LRRK2: variants seen among roughly 807,000 people sequenced by gnomAD.
The protein encoded by LRRK2 is leucine rich repeat kinase 2.
In LRRK2, 203 loss-of-function variants were observed where a neutral mutation model predicts 302.6. The ratio of observed to expected loss-of-function variants is 0.67; its 90% CI spans 0.60 to 0.75. The LOEUF is 0.75. Among genes scored for constraint, LRRK2 ranks in the 30% least tolerant of loss-of-function variants. The pLI is 0.00. For synonymous variants in LRRK2, 1,066 were observed against 1,031.9 expected (o/e 1.03, Z -0.63); for missense variants, 2,830 against 2,951.0 (o/e 0.96, Z 0.95).
chr12:40,296,003 T>G (rs1233775327), intron 23 of LRRK2, among the ~76,000 whole-genome samples: 1 of 152,228 alleles, frequency 6.6e-6, no homozygotes, highest in African/African-American at 2.4e-5. Context: ...TTGGTAGTAC[T>G]GGCTCTGACT....
In LRRK2 at chr12:40,322,098, A is replaced by C. The variant is rs769776309; in HGVS notation, c.5234A>C (p.Glu1745Ala). The change falls in exon 36 of 51, where the codon GAA (glutamate) becomes GCA (alanine). Residue 1745 changes from glutamate to alanine, a missense_variant. Around this residue, in one of 3 missense-constraint regions of LRRK2, gnomAD observed 2,121 missense variants for 2,148.0 expected, o/e 0.99. Coordinates refer to ENST00000298910, the MANE Select transcript of LRRK2 (RefSeq NM_198578.4). Reference protein sequence around the residue: ...RQGIYLNWSPEAYCLVGSEVL... With the variant: ...RQGIYLNWSPAAYCLVGSEVL... ...GGCATTTACTTAAATTGGTCTCCTG[A>C]AGCTTATTGTCTGGTAGGATCTGAA... The C allele has an allele frequency of 6.2e-7, 1 of 1,613,502 alleles. No individual in the cohort carries two copies. Among genetic ancestry groups the C allele is most frequent in the Non-Finnish European group, 8.5e-7 (1 of 1,179,542 alleles).
chr12:40,252,807 A>T (rs1942333028), intron 10 of LRRK2, 103 bp from the exon 11 acceptor site: 1 of 766,334 alleles, frequency 1.3e-6, no homozygotes, highest in Non-Finnish European at 2.3e-6. Flanking sequence ...AATATTGTTT[A>T]TATGCTCTTA....
intron 20 of LRRK2, among the ~76,000 whole-genome samples, chr12:40,289,144 CAA>C (rs747476131): frequency 2.6e-5 from 4 of 151,628 alleles, no homozygotes; most frequent in Non-Finnish European, 5.9e-5. Flanking sequence ...CCAGTTGTTC[CAA>C]CATTACTTGT....
At chr12:40,365,071 T>C (rs764367060) in intron 49 of LRRK2, 21 bp downstream of exon 49, 1 of 1,589,616 alleles carries the variant, frequency 6.3e-7, no homozygotes, top group African/African-American at 1.3e-5. Context: ...TTCCTTTAGA[T>C]ATTTTTCATA....
chr12:40,261,089 G>T (rs1369226990), intron 13 of LRRK2, among the ~76,000 whole-genome samples: 1 of 152,024 alleles, frequency 6.6e-6, no homozygotes, highest in Non-Finnish European at 1.5e-5. Flanking sequence ...TTTAAAAATT[G>T]AATCATGGTG....
At position 40,321,215 on chromosome 12, in the gene LRRK2, A is replaced by AT. The variant is rs779198172; in HGVS notation, c.5170+32dup. 12 of 1,588,246 alleles carry AT rather than the reference A, an allele frequency of 7.6e-6. No homozygotes were observed. The Admixed American group carries it at 2.0e-4, about 27-fold the overall frequency. ...TAAGTATCTAATGAAGACTTATTAG[A>AT]TTTTTAGAGACTATTAATTTAGACT... On this transcript the variant is annotated intron_variant, in intron 35 of 50. Transcript: ENST00000298910.
intron 20 of LRRK2, among the ~76,000 whole-genome samples, chr12:40,291,074 G>T (rs1041098699): frequency 6.6e-6 from 1 of 151,896 alleles, no homozygotes; most frequent in African/African-American, 2.4e-5. Flanking sequence ...TGTGGCACAT[G>T]TACACCATGG....
At chr12:40,316,883 C>A (rs1264881934) in intron 33 of LRRK2, among the ~76,000 whole-genome samples, 1 of 152,014 alleles carries the variant, frequency 6.6e-6, no homozygotes, top group Non-Finnish European at 1.5e-5. Context: ...TCCTAGCTGG[C>A]GCACAATAGT....
intron 7 of LRRK2, among the ~76,000 whole-genome samples, chr12:40,244,117 C>A (rs1305051448): frequency 5.9e-5 from 9 of 152,124 alleles, no homozygotes; most frequent in East Asian, 1.9e-4. Flanking sequence ...GGGAAGCTAC[C>A]CTGGGCTTCT....
At chr12:40,363,676 A>G in intron 48 of LRRK2, 122 bp downstream of exon 48, 2 of 1,070,888 alleles carry the variant, frequency 1.9e-6, no homozygotes, top group East Asian at 2.6e-5. Context: ...AATGCAGAAA[A>G]AAATTTGTAA....
chr12:40,225,639 A>C lies in LRRK2; in HGVS notation c.236A>C (p.Gln79Pro). 6 of 1,611,694 alleles carry C rather than the reference A, an allele frequency of 3.7e-6. No homozygotes were observed. Among genetic ancestry groups the C allele is most frequent in the Non-Finnish European group, 5.1e-6 (6 of 1,177,876 alleles). The change falls in exon 2 of 51, where the codon CAG becomes CCG. Residue 79 changes from glutamine to proline, a missense_variant and splice_region_variant. Around this residue, in one of 3 missense-constraint regions of LRRK2, gnomAD observed 2,121 missense variants for 2,148.0 expected, o/e 0.99. Coordinates refer to ENST00000298910, the MANE Select transcript of LRRK2 (RefSeq NM_198578.4). ...TATATGAGAGTCGCGAGTGTGCAGC[A>C]GGTAAAGGCATTGTTTTCACTTCAA... ...DSYMRVASVQ[Q>P]VGWSLLCKLI...
At chr12:40,299,016 T>C in intron 24 of LRRK2, 93 bp from the exon 25 acceptor site, 1 of 1,278,642 alleles carries the variant, frequency 7.8e-7, no homozygotes, top group Non-Finnish European at 1.1e-6. Flanking sequence ...TCCTCTTTGA[T>C]GCTGTTCTTT....
Position 40,298,408 on chromosome 12 carries a change from T to A in LRRK2, c.3262T>A (p.Phe1088Ile), listed in dbSNP as rs201591572. 8.1e-6 allele frequency: 13 copies of A among 1,613,748 alleles called. No individual in the cohort carries two copies. The highest frequency in any genetic ancestry group is 1.1e-5 in the Non-Finnish European group (13 of 1,179,946). ...PTVKCPTLKQ[F>I]NLSYNQLSFV... ...AGTGAAATGTCCAACTCTGAAACAG[T>A]TTAACCTGTCATATAACCAGCTGTC... Residue 1088 changes from phenylalanine to isoleucine, a missense_variant, in exon 24 of 51, where the codon TTT becomes ATT. Phe to Ile is a conservative substitution (Grantham distance 21). Coordinates refer to ENST00000298910, the MANE Select transcript of LRRK2 (RefSeq NM_198578.4).
intron 41 of LRRK2, among the ~76,000 whole-genome samples, chr12:40,344,763 A>G (rs955366210): frequency 6.6e-6 from 1 of 152,158 alleles, no homozygotes; most frequent in African/African-American, 2.4e-5. Flanking sequence ...TTATGGTTAT[A>G]TAGGAAAATG....
chr12:40,290,236 A>G (rs1944090243), intron 20 of LRRK2, among the ~76,000 whole-genome samples: 1 of 151,976 alleles, frequency 6.6e-6, no homozygotes, highest in Non-Finnish European at 1.5e-5. Flanking sequence ...TGATTTTCTA[A>G]TGTTAAACCA....
chr12:40,243,474 A>G, intron 6 of LRRK2, 76 bp from the exon 7 acceptor site: 1 of 1,517,350 alleles, frequency 6.6e-7, no homozygotes. Context: ...TACAGTCTAT[A>G]TAAGACGTCT....
In LRRK2 at chr12:40,252,588, A is replaced by G. The variant is rs995462472; in HGVS notation, c.1182-322A>G. On this transcript the variant is annotated intron_variant, in intron 10 of 50. Transcript: ENST00000298910. The stretch of plus-strand genomic sequence containing the variant: ...TTAAAACCTACCTTGCTTCTTTACA[A>G]TTTTCAGTTTTTCCTCTCTTGTTTC... Among the ~76,000 whole-genome samples the G allele has an allele frequency of 2.0e-5, 3 of 152,056 alleles. No homozygotes were observed. In the East Asian group the frequency reaches 5.8e-4, roughly 29 times the overall value.
At chr12:40,257,764 CTGAA>C (rs1323410254) in intron 12 of LRRK2, among the ~76,000 whole-genome samples, 1 of 152,190 alleles carries the variant, frequency 6.6e-6, no homozygotes, top group Admixed American at 6.6e-5. Context: ...ATTCCTTCAT[CTGAA>C]TGAACTTTGT....
intron 39 of LRRK2, among the ~76,000 whole-genome samples, chr12:40,329,537 A>G (rs1254594798): frequency 6.6e-6 from 1 of 152,152 alleles, no homozygotes; most frequent in African/African-American, 2.4e-5. Flanking sequence ...AATGCCATTT[A>G]TATATTTTTT....
Sources: allele counts gnomAD v4.1 joint callset (sites outside exome capture counted in the v4.1 genomes callset), GRCh38; gene constraint gnomAD v4.1.1; regional missense constraint gnomAD v4.1.1; transcripts MANE v1.5; gene names NCBI Gene and HGNC (gene_info 2026-07-23, HGNC 2026-07-21).